The following NLRP1 variants were observed in gnomAD, a reference collection of about 807,000 sequenced individuals.
NLRP1 encodes NLR family pyrin domain containing 1.
A neutral mutation model predicts 136.7 loss-of-function variants in NLRP1; 94 were observed. That is an observed-to-expected ratio of 0.69 (90% confidence interval 0.58 to 0.82). The LOEUF is 0.82. Ranked by LOEUF, NLRP1 falls within the 40% of genes least tolerant of loss-of-function variation. The pLI is 0.00. For missense variants in NLRP1, 1,575 were observed against 1,802.7 expected, an observed-to-expected ratio of 0.87 and a Z score of 2.29; for synonymous variants, 690 against 725.1, an observed-to-expected ratio of 0.95 and a Z score of 0.78.
At chr17:5,572,673 G>A (rs903168491) in intron 3 of NLRP1, among the ~76,000 whole-genome samples, 1 of 145,646 alleles carries the variant, frequency 6.9e-6, no homozygotes, top group Non-Finnish European at 1.5e-5. Context: ...TCTCACCACT[G>A]CATTCCAGCT....
intron 10 of NLRP1, 52 bp from the exon 11 acceptor site, chr17:5,533,036 T>A (rs1199529896): frequency 6.4e-7 from 1 of 1,555,174 alleles, no homozygotes; most frequent in African/African-American, 1.4e-5. Context: ...TGGCCTCCCC[T>A]AGCCCCTATG....
chr17:5,551,806 G>A (rs1454242987), intron 5 of NLRP1, among the ~76,000 whole-genome samples: 1 of 152,092 alleles, frequency 6.6e-6, no homozygotes, highest in Non-Finnish European at 1.5e-5. Flanking sequence ...GTCTGTCTCT[G>A]TTGCCCAGCT....
At chr17:5,558,306 G>T (rs1318149807) in intron 4 of NLRP1, 33 bp downstream of exon 4, 5 of 1,561,362 alleles carry the variant, frequency 3.2e-6, no homozygotes, top group Non-Finnish European at 4.3e-6. Flanking sequence ...GACTGACAGA[G>T]GAGCTGCAGA....
At position 5,507,683 on chromosome 17, in the gene NLRP1, G is replaced by A. The variant is rs146186193; in HGVS notation, c.4070-5811C>T. 2.4e-3 allele frequency among the ~76,000 whole-genome samples: 360 copies of A among 152,298 alleles called. 1 individual carries two copies. Among genetic ancestry groups the A allele is most frequent in the African/African-American group, 8.4e-3 (349 of 41,564 alleles). On this transcript the variant is annotated intron_variant, in intron 15 of 15. Transcript: ENST00000262467. Reference sequence around the variant, plus strand: ...ATTAAAGATACAAAAAATTATCCAGGCATGGTGGCACGTGCCTGTAGTCCC... The same window carrying A: ...ATTAAAGATACAAAAAATTATCCAGACATGGTGGCACGTGCCTGTAGTCCC...
At position 5,521,742 on chromosome 17, in the gene NLRP1, C is replaced by T; in HGVS notation, c.3565G>A (p.Glu1189Lys). Residue 1189 changes from glutamate to lysine, a missense_variant, in exon 13 of 17, where the codon GAG becomes AAG. Physicochemically the swap from Glu to Lys is moderately conservative, Grantham distance 56. Coordinates refer to ENST00000572272, the MANE Select transcript of NLRP1 (RefSeq NM_033004.4). Reference protein sequence around the residue: ...TSLFQMAHFKEEGMLLEKPAR... With the variant: ...TSLFQMAHFKKEGMLLEKPAR... ...GGCTTCTCCAGGAGCATCCCCTCCT[C>T]TTTAAAGTGGGCCATTTGGAACAGG... 6.2e-7 allele frequency: 1 copy of T among 1,612,822 alleles called. No homozygotes were observed. The highest frequency in any genetic ancestry group is 1.9e-4 in the Middle Eastern group (1 of 5,130).
chr17:5,565,226 T>C (rs1915202851), intron 3 of NLRP1, among the ~76,000 whole-genome samples: 2 of 152,226 alleles, frequency 1.3e-5, no homozygotes, highest in Admixed American at 6.5e-5. Flanking sequence ...TGCATTTCTC[T>C]GACTATCAGT....
At chr17:5,512,808 C>CAT (rs749194538), downstream of NLRP1, among the ~76,000 whole-genome samples, 1 of 152,232 alleles carries the variant, frequency 6.6e-6, no homozygotes, top group African/African-American at 2.4e-5. Context: ...TGAAAATTAG[C>CAT]ATATAATGAG....
intron 3 of NLRP1, among the ~76,000 whole-genome samples, chr17:5,571,879 T>C (rs551710116): frequency 1.3e-5 from 2 of 152,214 alleles, no homozygotes; most frequent in South Asian, 4.1e-4. Flanking sequence ...CAAAACGGCA[T>C]GCTACTGGTA....
At chr17:5,558,062 C>T (rs377713351) in intron 4 of NLRP1, among the ~76,000 whole-genome samples, 6 of 152,042 alleles carry the variant, frequency 3.9e-5, no homozygotes, top group East Asian at 1.9e-4. Flanking sequence ...AGAAGATGGA[C>T]GGTCATTCTA....
intron 3 of NLRP1, among the ~76,000 whole-genome samples, chr17:5,577,512 G>A (rs1033873390): frequency 6.6e-6 from 1 of 152,184 alleles, no homozygotes; most frequent in African/African-American, 2.4e-5. Context: ...ATTCACAATT[G>A]CTTCAAAGAG....
chr17:5,566,638 G>A (rs943382534), intron 3 of NLRP1, among the ~76,000 whole-genome samples: 1 of 152,150 alleles, frequency 6.6e-6, no homozygotes, highest in Admixed American at 6.5e-5. Context: ...GTATTCTGCA[G>A]CTCTTGGATG....
chr17:5,553,872 T>TTA (rs759369738), intron 4 of NLRP1, among the ~76,000 whole-genome samples: 6 of 149,664 alleles, frequency 4.0e-5, no homozygotes, highest in East Asian at 3.9e-4. Context: ...TTTTTTTTTT[T>TTA]AAATCTGCAC....
At position 5,558,510 on chromosome 17, in the gene NLRP1, G is replaced by A. The variant is rs972692630; in HGVS notation, c.2186C>T (p.Thr729Met). The A allele has an allele frequency of 1.4e-5, 22 of 1,613,910 alleles. No individual in the cohort carries two copies. Among genetic ancestry groups the A allele is most frequent in the African/African-American group, 1.1e-4 (8 of 74,874 alleles). The change falls in exon 4 of 17, where the codon ACG (threonine) becomes ATG (methionine). Residue 729 changes from threonine (T) to methionine (M), a missense_variant. Thr to Met is a moderately conservative substitution (Grantham distance 81, BLOSUM62 -1). Coordinates refer to ENST00000572272, the MANE Select transcript of NLRP1 (RefSeq NM_033004.4). Reference protein sequence around the residue: ...LHCLYETRNKTFLTQVMAHFE... With the variant: ...LHCLYETRNKMFLTQVMAHFE... ...ATGGGCCATCACTTGTGTCAGGAAC[G>A]TTTTGTTCCGAGTCTCGTACAAGCA...
chr17:5,581,782 G>A (rs567996094), intron 3 of NLRP1, 77 bp downstream of exon 3: 2 of 1,215,966 alleles, frequency 1.6e-6, no homozygotes, highest in Non-Finnish European at 2.4e-6. Flanking sequence ...CTGCCAACCT[G>A]GTCCCCAGGG....
intron 11 of NLRP1, among the ~76,000 whole-genome samples, chr17:5,531,173 AATCT>A (rs5819032): frequency 0.28 from 39,068 of 141,296 alleles, 5,192 homozygotes; most frequent in Non-Finnish European, 0.3. Context: ...TAATCTATCT[AATCT>A]ATCTATCTAT....
chr17:5,567,097 G>A (rs1915420289), intron 3 of NLRP1, among the ~76,000 whole-genome samples: 1 of 151,950 alleles, frequency 6.6e-6, no homozygotes, highest in Non-Finnish European at 1.5e-5. Context: ...CAGATCATTG[G>A]TTCTTGTTTT....
At chr17:5,512,460 A>G (rs532878404), downstream of NLRP1, 27 of 732,754 alleles carry the variant, frequency 3.7e-5, no homozygotes, top group Admixed American at 3.9e-4. Context: ...GTTTTCTACA[A>G]TGGAAACACA....
At chr17:5,532,672 C>T in intron 11 of NLRP1, 150 bp downstream of exon 11, 1 of 564,312 alleles carries the variant, frequency 1.8e-6, no homozygotes, top group Non-Finnish European at 3.0e-6. Context: ...TGTCTCAGCC[C>T]TGTCTCTGCC....
In NLRP1 at chr17:5,558,682, G is replaced by C; in HGVS notation, c.2014C>G (p.Arg672Gly). ...TCACTTAACAGGCCCAATAGGAAAC[G>C]TGTGGTTGATGCCCCAAACAGGCCA... is the stretch of plus-strand genomic sequence containing the variant. The part of the protein sequence containing the change: ...IHGLFGASTT[R>G]FLLGLLSDEG... The change falls in exon 4 of 17, where the codon CGT becomes GGT. Residue 672 changes from arginine to glycine, a missense_variant. Transcript: ENST00000572272. 1.2e-6 allele frequency: 2 copies of C among 1,614,094 alleles called. No individual in the cohort carries two copies. Among genetic ancestry groups the C allele is most frequent in the Non-Finnish European group, 1.7e-6 (2 of 1,180,012 alleles).
Sources: allele counts gnomAD v4.1 joint callset (sites outside exome capture counted in the v4.1 genomes callset), GRCh38; gene constraint gnomAD v4.1.1; transcripts MANE v1.5; gene names NCBI Gene and HGNC (gene_info 2026-07-23, HGNC 2026-07-21).